LRRK2: variants seen among roughly 807,000 people sequenced by gnomAD.
The protein encoded by LRRK2 is leucine rich repeat kinase 2.
In LRRK2, 203 loss-of-function variants were observed where a neutral mutation model predicts 302.6. The ratio of observed to expected loss-of-function variants is 0.67; its 90% CI spans 0.60 to 0.75. LRRK2 has a LOEUF of 0.75. LRRK2 is among the 30% of genes least tolerant of loss of function. The probability of loss-of-function intolerance (pLI) is 0.00; values close to 1 mark genes in which losing one functional copy is unlikely to be tolerated. For missense variants in LRRK2, 2,830 were observed against 2,951.0 expected (o/e 0.96, Z 0.95); for synonymous variants, 1,066 against 1,031.9 (o/e 1.03, Z -0.63).
chr12:40,278,396 T>C (rs1943551201), intron 18 of LRRK2, 135 bp downstream of exon 18: 1 of 1,070,740 alleles, frequency 9.3e-7, no homozygotes, highest in South Asian at 1.3e-5. Flanking sequence ...CAATTGTTTG[T>C]GTCTTGTAGT....
At position 40,298,246 on chromosome 12, in the gene LRRK2, CT is replaced by C. The variant is rs1196450855; in HGVS notation, c.3101del (p.Leu1034ArgfsTer4). ...TTTTAAACTATTGTCTTTTCAGACT[CT>C]GAAGAGTTTGACACATTTGGACTTG... ...TSFPQQLCET[L>X]KSLTHLDLHS... On this transcript the variant is annotated frameshift_variant, in exon 24 of 51. Transcript: ENST00000298910. LOFTEE classifies it high-confidence loss of function. The C allele has an allele frequency of 6.2e-7, 1 of 1,613,122 alleles. No individual in the cohort carries two copies. Among genetic ancestry groups the C allele is most frequent in the African/African-American group, 1.3e-5 (1 of 74,902 alleles).
chr12:40,276,125 A>G (rs1943441487), intron 16 of LRRK2, among the ~76,000 whole-genome samples: 1 of 152,186 alleles, frequency 6.6e-6, no homozygotes, highest in Non-Finnish European at 1.5e-5. Flanking sequence ...GGCTGATTAA[A>G]CCAAGATAGG....
chr12:40,349,204 T>A (rs1212206162), intron 43 of LRRK2, among the ~76,000 whole-genome samples: 1 of 152,206 alleles, frequency 6.6e-6, no homozygotes, highest in Non-Finnish European at 1.5e-5. Flanking sequence ...TGTGTCCATT[T>A]TGTAATTTAT....
At chr12:40,277,268 TG>T (rs1943496495) in intron 16 of LRRK2, among the ~76,000 whole-genome samples, 1 of 152,192 alleles carries the variant, frequency 6.6e-6, no homozygotes, top group African/African-American at 2.4e-5. Flanking sequence ...GGACAGACTC[TG>T]GGGATGTGCT....
At chr12:40,356,077 T>C in intron 45 of LRRK2, 38 bp from the exon 46 acceptor site, 1 of 1,446,054 alleles carries the variant, frequency 6.9e-7, no homozygotes, top group Non-Finnish European at 9.7e-7. Context: ...TCAACATACA[T>C]GTTCTTTTTG....
At chr12:40,263,963 T>C (rs1054017779) in intron 14 of LRRK2, 62 bp downstream of exon 14, 68 of 1,263,098 alleles carry the variant, frequency 5.4e-5, no homozygotes, top group Non-Finnish European at 1.1e-5. Context: ...TTTGGAGAAC[T>C]AGGGGCGCTT....
intron 8 of LRRK2, among the ~76,000 whole-genome samples, chr12:40,250,477 T>C (rs10878262): frequency 0.33 from 49,523 of 152,130 alleles, 8,502 homozygotes; most frequent in South Asian, 0.44. Flanking sequence ...GCAACAAGAA[T>C]GAAACTCCAT....
At chr12:40,287,603 C>G in intron 20 of LRRK2, 64 bp downstream of exon 20, 2 of 1,516,308 alleles carry the variant, frequency 1.3e-6, no homozygotes, top group East Asian at 4.6e-5. Flanking sequence ...AACAATAGGA[C>G]CCAAGACAAA....
Position 40,367,809 on chromosome 12 carries a change from C to G in LRRK2, c.*44C>G, listed in dbSNP as rs1250547130. The G allele has an allele frequency of 1.3e-6, 2 of 1,565,528 alleles. No individual in the cohort carries two copies. The highest frequency in any genetic ancestry group is 2.3e-5 in the East Asian group (1 of 43,338). Reference sequence around the variant, plus strand: ...CTTTGGATAGGAAAATTATTCTCTCCTCTTGTAAATATTTATTTTAAAAAT... The same window carrying G: ...CTTTGGATAGGAAAATTATTCTCTCGTCTTGTAAATATTTATTTTAAAAAT... On this transcript the variant is annotated 3_prime_UTR_variant, in exon 51 of 51. Transcript: ENST00000298910.
At chr12:40,256,186 C>G (rs946029242) in intron 11 of LRRK2, among the ~76,000 whole-genome samples, 9 of 152,164 alleles carry the variant, frequency 5.9e-5, no homozygotes, top group Non-Finnish European at 1.3e-4. Flanking sequence ...GTGGCTCACG[C>G]CTGTAATCCC....
chr12:40,365,355 C>T (rs1946844587), intron 49 of LRRK2: 2 of 261,306 alleles, frequency 7.7e-6, no homozygotes, highest in Non-Finnish European at 1.5e-5. Context: ...ATATATTTTA[C>T]TTTTTGAGCA....
intron 42 of LRRK2, among the ~76,000 whole-genome samples, chr12:40,347,175 T>A (rs886481247): frequency 1.3e-5 from 2 of 152,160 alleles, no homozygotes. Context: ...GAGAAGGAAA[T>A]TGCTGTTAGA....
intron 24 of LRRK2, 54 bp from the exon 25 acceptor site, chr12:40,299,055 T>C: frequency 6.3e-7 from 1 of 1,581,328 alleles, no homozygotes; most frequent in Non-Finnish European, 8.7e-7. Flanking sequence ...ATATTTTTTC[T>C]TTAAAGCATA....
chr12:40,339,166 T>C (rs1336687413), intron 40 of LRRK2, among the ~76,000 whole-genome samples: 1 of 152,180 alleles, frequency 6.6e-6, no homozygotes, highest in Non-Finnish European at 1.5e-5. Context: ...TGATTGGTGC[T>C]AGGTGATGGA....
At chr12:40,290,279 A>G (rs1267397397) in intron 20 of LRRK2, among the ~76,000 whole-genome samples, 1 of 152,134 alleles carries the variant, frequency 6.6e-6, no homozygotes, top group East Asian at 1.9e-4. Flanking sequence ...TCACTTGGTT[A>G]TGGTACATTA....
At chr12:40,235,537 T>TA (rs1445400181) in intron 3 of LRRK2, 89 bp from the exon 4 acceptor site, 2 of 833,500 alleles carry the variant, frequency 2.4e-6, no homozygotes, top group Non-Finnish European at 4.1e-6. Context: ...ATGAGAGTAA[T>TA]AAAAAATAGG....
chr12:40,333,597 C>T (rs1037993782), intron 39 of LRRK2, among the ~76,000 whole-genome samples: 4 of 152,078 alleles, frequency 2.6e-5, no homozygotes, highest in Non-Finnish European at 5.9e-5. Context: ...AGCTCAAATA[C>T]TACCACATCT....
intron 30 of LRRK2, among the ~76,000 whole-genome samples, chr12:40,310,122 T>C (rs1944988449): frequency 6.6e-6 from 1 of 152,124 alleles, no homozygotes; most frequent in Non-Finnish European, 1.5e-5. Context: ...TTATTTTATT[T>C]AGGAGTGAAT....
chr12:40,257,456 A>G, intron 12 of LRRK2, 79 bp downstream of exon 12: 2 of 1,526,122 alleles, frequency 1.3e-6, no homozygotes, highest in Non-Finnish European at 1.8e-6. Flanking sequence ...CATATTTCTA[A>G]CAATGAAAAG....
Sources: allele counts gnomAD v4.1 joint callset (sites outside exome capture counted in the v4.1 genomes callset), GRCh38; gene constraint gnomAD v4.1.1; transcripts MANE v1.5; gene names NCBI Gene and HGNC (gene_info 2026-07-23, HGNC 2026-07-21).